Variants in SFTPC observed in about 807,000 individuals in gnomAD.
The protein encoded by SFTPC is surfactant protein C, also known as BRICHOS domain containing 6.
SFTPC carries 12 observed loss-of-function variants against 19.9 expected under a neutral mutation model. The observed-to-expected ratio is 0.60, with a 90% CI of 0.39 to 0.98. SFTPC has a LOEUF of 0.98. SFTPC is among the 50% of genes least tolerant of loss of function. The probability of loss-of-function intolerance (pLI) is 0.00; values close to 1 mark genes in which losing one functional copy is unlikely to be tolerated. For synonymous variants in SFTPC, 123 were observed against 103.3 expected, an observed-to-expected ratio of 1.19 and a Z score of -1.16; for missense variants, 219 against 252.2, an observed-to-expected ratio of 0.87 and a Z score of 0.89.
At chr8:22,162,846 A>T in intron 2 of SFTPC, 114 bp downstream of exon 2, 1 of 1,449,520 alleles carries the variant, frequency 6.9e-7, no homozygotes, top group Non-Finnish European at 9.6e-7. Flanking sequence ...GGCAAGGGGC[A>T]CAGCTAGAAG....
At chr8:22,158,992 A>G (rs894967827), upstream of SFTPC, 8 of 152,378 alleles carry the variant, frequency 5.3e-5, no homozygotes, top group Admixed American at 2.0e-4. Context: ...TCATGGGAAC[A>G]TTCATGTGTG....
upstream of SFTPC, among the ~76,000 whole-genome samples, chr8:22,161,224 G>A (rs1423507094): frequency 6.6e-6 from 1 of 152,184 alleles, no homozygotes; most frequent in Non-Finnish European, 1.5e-5. Flanking sequence ...ATATGTGGGA[G>A]GAGGCAAGGT....
At position 22,163,105 on chromosome 8, in the gene SFTPC, C is replaced by T. The variant is rs201454136; in HGVS notation, c.227C>T (p.Pro76Leu). The change falls in exon 3 of 6, where the codon CCG becomes CTG. Residue 76 changes from proline to leucine, a missense_variant. Transcript: ENST00000679463. Reference sequence around the variant, plus strand: ...GTTCTGGAGATGAGCATTGGGGCGCCGGAAGCCCAGCAACGCCTGGCCCTG... The same window carrying T: ...GTTCTGGAGATGAGCATTGGGGCGCTGGAAGCCCAGCAACGCCTGGCCCTG... Reference protein sequence around the residue: ...EMVLEMSIGAPEAQQRLALSE... With the variant: ...EMVLEMSIGALEAQQRLALSE... 9.3e-6 allele frequency: 15 copies of T among 1,614,124 alleles called. No homozygotes were observed. The highest frequency in any genetic ancestry group is 8.8e-5 in the South Asian group (8 of 91,082).
At chr8:22,164,235 T>C (rs1287457234) in intron 5 of SFTPC, 31 bp from the exon 6 acceptor site, 16 of 1,536,140 alleles carry the variant, frequency 1.0e-5, no homozygotes, top group Admixed American at 2.0e-5. Context: ...TGATTCTCTC[T>C]GTCCATCCTC....
At chr8:22,164,187 G>T in intron 5 of SFTPC, 79 bp from the exon 6 acceptor site, 1 of 1,535,888 alleles carries the variant, frequency 6.5e-7, no homozygotes, top group South Asian at 1.2e-5. Flanking sequence ...GGCAACTCGG[G>T]GGAGGGGAAG....
rs1804453 is a variant in SFTPC at position 22,164,275 on chromosome 8, A to G, written c.*28A>G. 1.5e-5 allele frequency: 23 copies of G among 1,536,186 alleles called. 1 individual carries two copies. In the Admixed American group the frequency reaches 2.9e-4, roughly 20 times the overall value. On this transcript the variant is annotated 3_prime_UTR_variant, in exon 6 of 6. Transcript: ENST00000679463. ...TTCCTTTGCTTCACAGGGTCAGTGGAAGCCCCAACGGGAAAGGAAACGCCC... is the reference window on the plus strand; with the variant it reads ...TTCCTTTGCTTCACAGGGTCAGTGGGAGCCCCAACGGGAAAGGAAACGCCC...
chr8:22,161,602 C>A, upstream of SFTPC: 1 of 1,398,442 alleles, frequency 7.2e-7, no homozygotes. Flanking sequence ...CTTGCTGGGG[C>A]CAAGAGGACT....
chr8:22,160,367 C>T (rs527545050), upstream of SFTPC, among the ~76,000 whole-genome samples: 2 of 152,278 alleles, frequency 1.3e-5, no homozygotes, highest in African/African-American at 4.8e-5. Context: ...ACCTGTAATC[C>T]TAGCACTTTA....
rs74515418 is a variant in SFTPC, at chr8:22,164,072, G to A, written c.*18+13G>A. The A allele has an allele frequency of 1.1e-3, 1,698 of 1,611,562 alleles. 16 individuals carry two copies. In the African/African-American group the frequency reaches 0.014, roughly 13 times the overall value. ...CTCCGGTGAGCAGGTGTGATCCCAG[G>A]GCCCCTGATCAGCAGCGGAGGAGCG... On this transcript the variant is annotated intron_variant, in intron 5 of 5. Transcript: ENST00000679463.
chr8:22,163,011 G>T, intron 2 of SFTPC, 69 bp from the exon 3 acceptor site: 2 of 1,604,272 alleles, frequency 1.2e-6, no homozygotes, highest in Non-Finnish European at 1.7e-6. Context: ...AGAGGCCTGA[G>T]TATGGGGATG....
At chr8:22,164,106 A>G in intron 5 of SFTPC, 47 bp downstream of exon 5, 1 of 1,609,288 alleles carries the variant, frequency 6.2e-7, no homozygotes. Context: ...CGCTCGGGCC[A>G]CCTGCCCGGG....
At chr8:22,159,375 G>A (rs1437966409), upstream of SFTPC, 4 of 242,222 alleles carry the variant, frequency 1.7e-5, no homozygotes, top group Non-Finnish European at 3.3e-5. Context: ...AACGGCTTAA[G>A]TACAGGCCAA....
chr8:22,162,492 G>A, intron 1 of SFTPC, 82 bp from the exon 2 acceptor site: 1 of 1,503,218 alleles, frequency 6.7e-7, no homozygotes. Context: ...GCAGCCGTGG[G>A]AGGGTGTTCA....
intron 4 of SFTPC, 67 bp downstream of exon 4, chr8:22,163,613 T>G: frequency 1.8e-6 from 2 of 1,127,786 alleles, no homozygotes; most frequent in Non-Finnish European, 2.7e-6. Flanking sequence ...AGTGTCCGAA[T>G]GGTGGCTATT....
At chr8:22,162,004 C>A in intron 1 of SFTPC, 134 bp downstream of exon 1, 1 of 954,544 alleles carries the variant, frequency 1.0e-6, no homozygotes, top group South Asian at 1.4e-5. Context: ...TGTGATAAGT[C>A]AGGATGGGGA....
chr8:22,157,891 A>G (rs1009093277), upstream of SFTPC, among the ~76,000 whole-genome samples: 5 of 152,100 alleles, frequency 3.3e-5, no homozygotes, highest in Non-Finnish European at 7.3e-5. Flanking sequence ...GATATTTTAA[A>G]TTCACATGTA....
intron 4 of SFTPC, 175 bp downstream of exon 4, chr8:22,163,721 T>C (rs577859047): frequency 1.5e-5 from 12 of 807,332 alleles, no homozygotes; most frequent in Non-Finnish European, 2.5e-5. Flanking sequence ...ACTGCCAAGC[T>C]GCTGGGCTCA....
chr8:22,164,353 C>T lies in SFTPC; in HGVS notation c.*106C>T, dbSNP rs1272862587. 6.5e-7 allele frequency: 1 copy of T among 1,536,014 alleles called. No homozygotes were observed. The highest frequency in any genetic ancestry group is 1.7e-4 in the Middle Eastern group (1 of 5,990). ...CAGACGGGCAAGAAGCTGCTTCTGC[C>T]CACACCGCAGGGACAAGCCCTGGAG... On this transcript the variant is annotated 3_prime_UTR_variant, in exon 6 of 6. Coordinates refer to ENST00000679463, the MANE Select transcript of SFTPC (RefSeq NM_001317778.2).
upstream of SFTPC, among the ~76,000 whole-genome samples, chr8:22,158,066 T>G (rs577980199): frequency 2.6e-5 from 4 of 152,312 alleles, no homozygotes; most frequent in East Asian, 7.7e-4. Flanking sequence ...GGAGGATGAC[T>G]GTCCTAAGAG....
Sources: allele counts gnomAD v4.1 joint callset (sites outside exome capture counted in the v4.1 genomes callset), GRCh38; gene constraint gnomAD v4.1.1; transcripts MANE v1.5; gene names NCBI Gene and HGNC (gene_info 2026-07-23, HGNC 2026-07-21).